SAMD4A: variants seen among roughly 807,000 people sequenced by gnomAD.
SAMD4A encodes sterile alpha motif domain containing 4A, also known as protein Smaug homolog 1.
Under a neutral mutation model 81.3 loss-of-function variants are expected in SAMD4A, and 33 were observed. The observed-to-expected ratio is 0.41, with a 90% CI of 0.31 to 0.54. The LOEUF (loss-of-function observed/expected upper bound fraction) is 0.54, where lower values mean the gene tolerates loss of function less well. SAMD4A is among the 20% of genes least tolerant of loss of function. SAMD4A has a pLI of 0.37. For missense variants in SAMD4A, 854 were observed against 951.1 expected (o/e 0.90, Z 1.34); for synonymous variants, 389 against 382.1 (o/e 1.02, Z -0.21).
chr14:54,761,339 A>G (rs1157246343), intron 7 of SAMD4A, among the ~76,000 whole-genome samples: 1 of 152,156 alleles, frequency 6.6e-6, no homozygotes, highest in African/African-American at 2.4e-5. Flanking sequence ...GTGCCTTCTT[A>G]TCAGCTCAAG....
chr14:54,669,797 A>G (rs984508286), intron 2 of SAMD4A, among the ~76,000 whole-genome samples: 1 of 152,222 alleles, frequency 6.6e-6, no homozygotes, highest in African/African-American at 2.4e-5. Context: ...GCTTAGTAGC[A>G]TGGAAAGATG....
chr14:54,669,953 G>A (rs2035843526), intron 2 of SAMD4A, among the ~76,000 whole-genome samples: 1 of 152,056 alleles, frequency 6.6e-6, no homozygotes, highest in African/African-American at 2.4e-5. Flanking sequence ...AGCCCCCTGG[G>A]GTGAAAAGCA....
chr14:54,724,003 T>TGGAAGGAAGGAAGGAAGGAA (rs1311416081), intron 3 of SAMD4A, among the ~76,000 whole-genome samples: 1,265 of 56,020 alleles, frequency 0.023, 13 homozygotes, highest in Non-Finnish European at 0.03. Context: ...GATGGATGGA[T>TGGAAGGAAGGAAGGAAGGAA]GGATGGAAGG....
At chr14:54,582,076 T>C (rs2033484263) in intron 2 of SAMD4A, among the ~76,000 whole-genome samples, 1 of 152,196 alleles carries the variant, frequency 6.6e-6, no homozygotes, top group African/African-American at 2.4e-5. Context: ...TTGCAGATGA[T>C]CTGAGCACAG....
intron 4 of SAMD4A, among the ~76,000 whole-genome samples, chr14:54,738,043 C>G (rs61977002): frequency 0.22 from 33,514 of 152,154 alleles, 3,862 homozygotes; most frequent in South Asian, 0.34. Flanking sequence ...TTTTAGACTC[C>G]ACTTGTACAA....
At chr14:54,651,135 A>T (rs989278977) in intron 2 of SAMD4A, among the ~76,000 whole-genome samples, 2 of 152,060 alleles carry the variant, frequency 1.3e-5, no homozygotes, top group African/African-American at 2.4e-5. Flanking sequence ...TGTCAGGAGG[A>T]GCTCAGATGA....
rs184289074 is a variant in SAMD4A, at chr14:54,718,238, A to G, written c.715+15658A>G. ...CTGCCTTCCACTCTTTTGCAGTTGC[A>G]TAAACAAACTTTTTAGAAAGGTCAA... On this transcript the variant is annotated intron_variant, in intron 3 of 12. Transcript: ENST00000554335. 1.7e-3 allele frequency among the ~76,000 whole-genome samples: 257 copies of G among 152,300 alleles called. 1 individual carries two copies. Among genetic ancestry groups the G allele is most frequent in the African/African-American group, 6.0e-3 (250 of 41,580 alleles).
intron 2 of SAMD4A, among the ~76,000 whole-genome samples, chr14:54,639,685 G>A (rs1463532671): frequency 1.3e-5 from 2 of 152,022 alleles, no homozygotes; most frequent in African/African-American, 2.4e-5. Context: ...CTTTGCTTTG[G>A]GATTTCAAAC....
At position 54,760,339 on chromosome 14, in the gene SAMD4A, A is replaced by C; in HGVS notation, c.1355A>C (p.Asp452Ala). 4 of 1,599,182 alleles carry C rather than the reference A, an allele frequency of 2.5e-6. No individual in the cohort carries two copies. Among genetic ancestry groups the C allele is most frequent in the Non-Finnish European group, 3.4e-6 (4 of 1,176,398 alleles). The change falls in exon 7 of 13, where the codon GAT becomes GCT. Residue 452 changes from aspartate to alanine, a missense_variant. By Grantham distance (126) the Asp-to-Ala change is moderately radical (BLOSUM62 -2). This residue lies in a region of SAMD4A where 428 missense variants were observed against 471.2 expected (regional missense o/e 0.91). Coordinates refer to ENST00000554335, the MANE Select transcript of SAMD4A (RefSeq NM_015589.6). ...GPESQSPDCK[D>A]GAAATGATAT... ...GAGAGCCAGAGCCCCGACTGCAAAG[A>C]TGGGGCCGCAGCCACTGGCGCCACG...
At chr14:54,737,476 G>C (rs1281162344) in intron 4 of SAMD4A, among the ~76,000 whole-genome samples, 189 bp downstream of exon 4, 1 of 149,364 alleles carries the variant, frequency 6.7e-6, no homozygotes, top group Non-Finnish European at 1.5e-5. Context: ...CCCTTCCAGT[G>C]CTTCTTGCCA....
At chr14:54,604,494 A>G (rs2034146001) in intron 2 of SAMD4A, among the ~76,000 whole-genome samples, 1 of 152,216 alleles carries the variant, frequency 6.6e-6, no homozygotes, top group Non-Finnish European at 1.5e-5. Flanking sequence ...TTCCTGTGCT[A>G]AGAAAACTTA....
At chr14:54,607,630 A>G (rs1022318244) in intron 2 of SAMD4A, among the ~76,000 whole-genome samples, 2 of 151,140 alleles carry the variant, frequency 1.3e-5, no homozygotes, top group African/African-American at 4.9e-5. Flanking sequence ...TAATTTTTCT[A>G]TTTTTAGTAG....
intron 2 of SAMD4A, among the ~76,000 whole-genome samples, chr14:54,648,948 G>A (rs1247041605): frequency 6.6e-6 from 1 of 152,138 alleles, no homozygotes. Flanking sequence ...GGAGACAAGT[G>A]GTTGGATTCT....
At chr14:54,685,274 GCC>G (rs11323277) in intron 2 of SAMD4A, among the ~76,000 whole-genome samples, 11 of 140,252 alleles carry the variant, frequency 7.8e-5, no homozygotes, top group Admixed American at 7.3e-4. Flanking sequence ...CATTCTTCCT[GCC>G]CCCCCCCCCA....
intron 2 of SAMD4A, chr14:54,687,981 A>AT (rs2036321228): frequency 1.0e-6 from 1 of 986,166 alleles, no homozygotes. Flanking sequence ...CTCAATAATG[A>AT]TGAGCTGTGC....
chr14:54,607,743 C>T (rs564655466), intron 2 of SAMD4A, among the ~76,000 whole-genome samples: 2 of 152,026 alleles, frequency 1.3e-5, no homozygotes, highest in Non-Finnish European at 2.9e-5. Context: ...CGTGAGCCAC[C>T]GCGCCCGGCC....
At chr14:54,718,801 T>G (rs1019630094) in intron 3 of SAMD4A, among the ~76,000 whole-genome samples, 3 of 151,868 alleles carry the variant, frequency 2.0e-5, no homozygotes, top group African/African-American at 7.3e-5. Flanking sequence ...TTCAGGGGTT[T>G]GAGACCAGCC....
intron 2 of SAMD4A, among the ~76,000 whole-genome samples, chr14:54,682,829 T>C (rs911216244): frequency 6.6e-6 from 1 of 152,216 alleles, no homozygotes; most frequent in Non-Finnish European, 1.5e-5. Context: ...CAGTGACTTA[T>C]GCAATGCTGT....
At chr14:54,650,861 A>G (rs1041227402) in intron 2 of SAMD4A, among the ~76,000 whole-genome samples, 2 of 152,296 alleles carry the variant, frequency 1.3e-5, no homozygotes, top group African/African-American at 4.8e-5. Flanking sequence ...GCATTCTTTC[A>G]GCGTTCTTTA....
Sources: gnomAD v4.1 joint callset for allele counts (sites outside exome capture counted in the v4.1 genomes callset) on GRCh38, gnomAD v4.1.1 for gene constraint, gnomAD v4.1.1 regional missense constraint, MANE v1.5 for transcripts, NCBI Gene and HGNC (gene_info 2026-07-23, HGNC 2026-07-21) for gene names.